The following HERC2 variants were observed in gnomAD, a reference collection of about 807,000 sequenced individuals.
The protein encoded by HERC2 is HECT and RLD domain containing E3 ubiquitin protein ligase 2, also known as E3 ubiquitin-protein ligase HERC2.
Under a neutral mutation model 537.7 loss-of-function variants are expected in HERC2, and 102 were observed. That is an observed-to-expected ratio of 0.19 (90% CI 0.16 to 0.22). The LOEUF (loss-of-function observed/expected upper bound fraction) is 0.22, where lower values mean the gene tolerates loss of function less well. Ranked by LOEUF, HERC2 falls within the 10% of genes least tolerant of loss-of-function variation. The probability of loss-of-function intolerance (pLI) is 1.00; values close to 1 mark genes in which losing one functional copy is unlikely to be tolerated. For synonymous variants in HERC2, 2,224 were observed against 2,466.2 expected, an observed-to-expected ratio of 0.90 and a Z score of 2.91; for missense variants, 4,236 against 6,198.2, an observed-to-expected ratio of 0.68 and a Z score of 10.63.
At chr15:28,223,067 T>C (rs1385023557) in intron 35 of HERC2, among the ~76,000 whole-genome samples, 3 of 152,170 alleles carry the variant, frequency 2.0e-5, no homozygotes, top group East Asian at 1.9e-4. Context: ...TGAGTCCTCC[T>C]GGCCAACCAT....
intron 4 of HERC2, among the ~76,000 whole-genome samples, chr15:28,284,730 C>T (rs371355282): frequency 1.1e-3 from 172 of 151,992 alleles, no homozygotes; most frequent in African/African-American, 4.0e-3. Context: ...GCCTGGCCAA[C>T]ATGGCAAAAC....
intron 2 of HERC2, among the ~76,000 whole-genome samples, chr15:28,317,020 AACTG>A (rs1202853691): frequency 5.9e-5 from 9 of 152,038 alleles, no homozygotes; most frequent in African/African-American, 2.2e-4. Flanking sequence ...CAGCCTCCCA[AACTG>A]CTAGGATTAC....
chr15:28,226,668 A>C (rs986044046), intron 35 of HERC2, among the ~76,000 whole-genome samples: 2 of 152,262 alleles, frequency 1.3e-5, no homozygotes, highest in African/African-American at 4.8e-5. Flanking sequence ...ACATGAGGAT[A>C]ATCTTCATCA....
At chr15:28,224,160 CACACACAG>C (rs1347655819) in intron 35 of HERC2, among the ~76,000 whole-genome samples, 12 of 147,532 alleles carry the variant, frequency 8.1e-5, no homozygotes, top group African/African-American at 2.6e-4. Flanking sequence ...CACACACACA[CACACACAG>C]AGAGAGAGAG....
In HERC2 at chr15:28,113,755, G is replaced by T; in HGVS notation, c.13914-77C>A. The T allele has an allele frequency of 8.3e-7, 1 of 1,207,438 alleles. No individual in the cohort carries two copies. Among genetic ancestry groups the T allele is most frequent in the Non-Finnish European group, 1.2e-6 (1 of 826,588 alleles). 74.8% of individuals were successfully genotyped at this position (1,207,438 alleles called of 1,614,324 possible). On this transcript the variant is annotated intron_variant, in intron 90 of 92. Transcript: ENST00000261609. This position sits in a 1 kb window ranked among gnomAD's most constrained non-coding sequence, Gnocchi z 7.0. ...TGCTGCTCACACCAAGCCTTGGCATGCAGCACTGTGGCCGCACACGTCCCA... is the reference window on the plus strand; with the variant it reads ...TGCTGCTCACACCAAGCCTTGGCATTCAGCACTGTGGCCGCACACGTCCCA...
chr15:28,228,816 C>T (rs1282357295), intron 34 of HERC2, among the ~76,000 whole-genome samples: 1 of 152,190 alleles, frequency 6.6e-6, no homozygotes. Context: ...ACTCTGGTGC[C>T]CTATTCCATT....
At position 28,115,483 on chromosome 15, in the gene HERC2, C is replaced by T. The variant is rs569187104; in HGVS notation, c.13668G>A (p.Glu4556=). The T allele has an allele frequency of 9.3e-6, 15 of 1,614,044 alleles. No homozygotes were observed. In the East Asian group the frequency reaches 3.1e-4, roughly 34 times the overall value. ...TCCCAGCCAGCTGCTTCCAGACAGG[C>T]TCGGCAAGGTTGAGGCTCAGGGGAC... The part of the protein sequence containing the change: ...TGSPLSLNLA[E]PVWKQLAGMS... The change falls in exon 89 of 93, where the codon GAG becomes GAA. Residue 4556 remains glutamate, a synonymous_variant. Transcript: ENST00000261609.
At chr15:28,210,378 C>T (rs1380492399) in intron 44 of HERC2, among the ~76,000 whole-genome samples, 4 of 152,118 alleles carry the variant, frequency 2.6e-5, no homozygotes, top group Non-Finnish European at 5.9e-5. Context: ...CGTGATCCGC[C>T]GCCCGCCTCG....
chr15:28,158,451 T>C (rs1180217987), intron 69 of HERC2, among the ~76,000 whole-genome samples: 1 of 152,226 alleles, frequency 6.6e-6, no homozygotes, highest in Non-Finnish European at 1.5e-5. Flanking sequence ...TTAGGATAGT[T>C]AGTTCTTCTT....
chr15:28,115,262 A>ATTTT (rs11375781), intron 89 of HERC2, 167 bp downstream of exon 89: 60 of 382,394 alleles, frequency 1.6e-4, no homozygotes, highest in South Asian at 5.1e-4. Flanking sequence ...TAGATGGTCT[A>ATTTT]TTTTTTTTTT....
At chr15:28,202,276 G>A (rs775337005) in intron 46 of HERC2, 27 bp from the exon 47 acceptor site, 9 of 1,612,764 alleles carry the variant, frequency 5.6e-6, no homozygotes, top group Admixed American at 5.0e-5. Context: ...CAGCACAGCA[G>A]CCACTGTGAG....
intron 20 of HERC2, among the ~76,000 whole-genome samples, chr15:28,253,369 T>C (rs1305731151): frequency 1.3e-5 from 2 of 152,226 alleles, no homozygotes; most frequent in African/African-American, 2.4e-5. Context: ...AGTGAGGCAA[T>C]GATAGAACCA....
intron 30 of HERC2, among the ~76,000 whole-genome samples, chr15:28,230,938 C>G (rs185917522): frequency 1.3e-5 from 2 of 151,694 alleles, no homozygotes; most frequent in African/African-American, 4.8e-5. Context: ...TAATATACTT[C>G]TTTTAATTTT....
At chr15:28,132,611 G>A (rs781143495) in intron 80 of HERC2, 42 bp downstream of exon 80, 7 of 1,369,400 alleles carry the variant, frequency 5.1e-6, no homozygotes, top group Non-Finnish European at 6.7e-6. Flanking sequence ...GCAGCAGTGA[G>A]GAGCATGCAG....
At chr15:28,267,583 G>T (rs550263218) in intron 12 of HERC2, among the ~76,000 whole-genome samples, 3 of 152,164 alleles carry the variant, frequency 2.0e-5, no homozygotes, top group Non-Finnish European at 2.9e-5. Flanking sequence ...ACTCGTCTTA[G>T]ATTTGTCTGA....
chr15:28,287,006 A>G (rs900296857), intron 4 of HERC2, among the ~76,000 whole-genome samples: 3 of 152,212 alleles, frequency 2.0e-5, no homozygotes, highest in Non-Finnish European at 2.9e-5. Context: ...CACGTGGGAT[A>G]ATGCCAGCGG....
chr15:28,158,482 A>G (rs1391367513), intron 69 of HERC2, among the ~76,000 whole-genome samples: 1 of 152,118 alleles, frequency 6.6e-6, no homozygotes, highest in African/African-American at 2.4e-5. Flanking sequence ...TCCCTTTACC[A>G]TTATGTAATG....
At chr15:28,313,848 G>A (rs563720824) in intron 2 of HERC2, among the ~76,000 whole-genome samples, 19 of 152,206 alleles carry the variant, frequency 1.2e-4, no homozygotes, top group African/African-American at 4.1e-4. Flanking sequence ...GAAGAAAGAG[G>A]CCCAGAGAAC....
At chr15:28,239,077 A>G (rs112900193) in intron 23 of HERC2, among the ~76,000 whole-genome samples, 6 of 152,364 alleles carry the variant, frequency 3.9e-5, no homozygotes, top group African/African-American at 1.4e-4. Flanking sequence ...GTTAAATTAG[A>G]AATAGGTTTT....
Sources: gnomAD v4.1 joint callset for allele counts (sites outside exome capture counted in the v4.1 genomes callset) on GRCh38, gnomAD v4.1.1 for gene constraint, Gnocchi (gnomAD v3.1) non-coding constraint, MANE v1.5 for transcripts, NCBI Gene and HGNC (gene_info 2026-07-23, HGNC 2026-07-21) for gene names.